Variants in PCDHA4 observed in about 807,000 individuals in gnomAD.
PCDHA4 encodes protocadherin alpha 4.
A neutral mutation model predicts 61.4 loss-of-function variants in PCDHA4; 49 were observed. That is an observed-to-expected ratio of 0.80 (90% CI 0.63 to 1.01). PCDHA4 has a LOEUF of 1.01. PCDHA4 is among the 50% of genes least tolerant of loss of function. The probability of loss-of-function intolerance (pLI) is 0.00; values close to 1 mark genes in which losing one functional copy is unlikely to be tolerated. For missense variants in PCDHA4, 1,254 were observed against 1,235.8 expected (o/e 1.01, Z -0.22); for synonymous variants, 590 against 550.3 (o/e 1.07, Z -1.01).
At chr5:140,984,433 T>C (rs2097103477) in intron 3 of PCDHA4, among the ~76,000 whole-genome samples, 1 of 152,182 alleles carries the variant, frequency 6.6e-6, no homozygotes, top group East Asian at 1.9e-4. Flanking sequence ...GAAGGGGATC[T>C]CCCTTGTTCC....
At chr5:140,987,223 A>C (rs1269747690) in intron 3 of PCDHA4, among the ~76,000 whole-genome samples, 1 of 151,456 alleles carries the variant, frequency 6.6e-6, no homozygotes, top group African/African-American at 2.4e-5. Flanking sequence ...CAAAAAAAAA[A>C]AAAATAATAA....
intron 3 of PCDHA4, among the ~76,000 whole-genome samples, chr5:141,000,387 C>G (rs868946328): frequency 1.5e-5 from 1 of 66,898 alleles, no homozygotes. Context: ...CTCTCTCTCT[C>G]TCTCTCTCTA....
At chr5:140,903,487 A>G (rs2070330722) in intron 1 of PCDHA4, among the ~76,000 whole-genome samples, 1 of 152,242 alleles carries the variant, frequency 6.6e-6, no homozygotes, top group South Asian at 2.1e-4. Context: ...TATAGTTCTG[A>G]GCAGGTACCA....
chr5:140,915,389 G>T (rs1382922139), intron 1 of PCDHA4, among the ~76,000 whole-genome samples: 5 of 152,078 alleles, frequency 3.3e-5, no homozygotes, highest in African/African-American at 4.8e-5. Context: ...TGAAGAGCTA[G>T]GTATTTCTTA....
chr5:140,876,486 G>A, intron 1 of PCDHA4: 1 of 1,614,014 alleles, frequency 6.2e-7, no homozygotes, highest in Non-Finnish European at 8.5e-7. Context: ...TGGTCCTGGT[G>A]GAAGTTCTGG....
chr5:140,998,569 GTT>G (rs71574497), intron 3 of PCDHA4, among the ~76,000 whole-genome samples: 14 of 149,410 alleles, frequency 9.4e-5, no homozygotes, highest in Admixed American at 6.7e-4. Flanking sequence ...TTGTAAATAA[GTT>G]TTTTTTTTTT....
rs782169362 is a variant in PCDHA4, at chr5:140,979,015, T to G, written c.2444+8T>G. Reference sequence around the variant, plus strand: ...GAGAGCAGGCATGCACAGGTATGTATTTCCCTCCTCATTCACTCAGAAGTA... The same window carrying G: ...GAGAGCAGGCATGCACAGGTATGTAGTTCCCTCCTCATTCACTCAGAAGTA... On this transcript the variant is annotated splice_region_variant and intron_variant, in intron 2 of 3. Transcript: ENST00000530339. 3 of 1,613,920 alleles carry G rather than the reference T, an allele frequency of 1.9e-6. No individual in the cohort carries two copies. The highest frequency in any genetic ancestry group is 2.5e-6 in the Non-Finnish European group (3 of 1,179,908).
intron 1 of PCDHA4, among the ~76,000 whole-genome samples, chr5:140,840,993 A>C (rs1209699750): frequency 6.6e-6 from 1 of 152,060 alleles, no homozygotes; most frequent in Admixed American, 6.6e-5. Flanking sequence ...AGCTGAAACT[A>C]ATGTAAGGAG....
chr5:140,965,857 A>G (rs1563345275), intron 1 of PCDHA4, among the ~76,000 whole-genome samples: 1 of 152,220 alleles, frequency 6.6e-6, no homozygotes, highest in South Asian at 2.1e-4. Context: ...GCACACACTG[A>G]AAATAAGGGC....
chr5:140,853,384 C>G, intron 1 of PCDHA4: 1 of 985,584 alleles, frequency 1.0e-6, no homozygotes, highest in African/African-American at 1.8e-5. Context: ...AAATTCAAAA[C>G]AGCCTGTCAA....
chr5:140,955,987 A>G (rs1185683030), intron 1 of PCDHA4, among the ~76,000 whole-genome samples: 3 of 152,198 alleles, frequency 2.0e-5, no homozygotes, highest in African/African-American at 7.2e-5. Flanking sequence ...CAATTTTTGC[A>G]CATTGATTTT....
intron 1 of PCDHA4, chr5:140,853,775 G>GT: frequency 1.0e-6 from 1 of 987,698 alleles, no homozygotes; most frequent in East Asian, 1.1e-4. Context: ...TCTGAAATGG[G>GT]TAGTAAGAGC....
At chr5:140,868,440 G>A (rs2050457998) in intron 1 of PCDHA4, 1 of 152,152 alleles carries the variant, frequency 6.6e-6, no homozygotes, top group Admixed American at 6.6e-5. Flanking sequence ...AGATCATGTG[G>A]AACATAAACA....
At chr5:140,872,083 C>G (rs377675529) in intron 1 of PCDHA4, among the ~76,000 whole-genome samples, 1 of 152,284 alleles carries the variant, frequency 6.6e-6, no homozygotes, top group East Asian at 1.9e-4. Context: ...TGCAGTGCCA[C>G]TGCACTTAGT....
At chr5:140,885,427 G>A (rs1276398573) in intron 1 of PCDHA4, among the ~76,000 whole-genome samples, 1 of 152,092 alleles carries the variant, frequency 6.6e-6, no homozygotes, top group Admixed American at 6.5e-5. Flanking sequence ...ATTCCACAGT[G>A]TAAGTGTGCA....
At chr5:140,909,926 A>G (rs781804027) in intron 1 of PCDHA4, among the ~76,000 whole-genome samples, 4 of 152,190 alleles carry the variant, frequency 2.6e-5, no homozygotes, top group Admixed American at 2.6e-4. Flanking sequence ...CCTTTCCCCA[A>G]TCACAGTTAC....
At chr5:140,833,869 A>G (rs1554133991) in intron 1 of PCDHA4, among the ~76,000 whole-genome samples, 4 of 152,220 alleles carry the variant, frequency 2.6e-5, no homozygotes, top group Non-Finnish European at 5.9e-5. Flanking sequence ...AATCAAGAAT[A>G]TGAAGTTTCC....
At chr5:140,891,232 C>T (rs1562856029) in intron 1 of PCDHA4, among the ~76,000 whole-genome samples, 1 of 151,946 alleles carries the variant, frequency 6.6e-6, no homozygotes, top group Non-Finnish European at 1.5e-5. Context: ...TCATCCTGTT[C>T]TGGATTCAGT....
chr5:140,862,787 A>G, intron 1 of PCDHA4: 1 of 578,112 alleles, frequency 1.7e-6, no homozygotes. Context: ...CCACTGGACT[A>G]CGAGGAGCTG....
Sources: allele counts gnomAD v4.1 joint callset (sites outside exome capture counted in the v4.1 genomes callset), GRCh38; gene constraint gnomAD v4.1.1; transcripts MANE v1.5; gene names NCBI Gene and HGNC (gene_info 2026-07-23, HGNC 2026-07-21).